The following LOXHD1 variants were observed in gnomAD, a reference collection of about 807,000 sequenced individuals.
LOXHD1 encodes the protein lipoxygenase homology domain-containing protein 1.
Under a neutral mutation model 248.2 loss-of-function variants are expected in LOXHD1, and 205 were observed. That is an observed-to-expected ratio of 0.83 (90% CI 0.74 to 0.93). LOXHD1 has a LOEUF of 0.93. Among genes scored for constraint, LOXHD1 ranks in the 40% least tolerant of loss-of-function variants. LOXHD1 has a pLI of 0.00. For synonymous variants in LOXHD1, 1,113 were observed against 1,162.8 expected (o/e 0.96, Z 0.87); for missense variants, 2,930 against 2,971.6 (o/e 0.99, Z 0.33).
At chr18:46,639,388 C>T (rs958840396) in intron 4 of LOXHD1, among the ~76,000 whole-genome samples, 1 of 152,222 alleles carries the variant, frequency 6.6e-6, no homozygotes, top group South Asian at 2.1e-4. Flanking sequence ...GCCTCCAATC[C>T]CTCTTGTATT....
chr18:46,626,218 A>G (rs904796951), intron 4 of LOXHD1, among the ~76,000 whole-genome samples: 1 of 152,206 alleles, frequency 6.6e-6, no homozygotes, highest in Non-Finnish European at 1.5e-5. Context: ...GGGGTGACAT[A>G]TATTCTCCCA....
At chr18:46,529,957 T>C (rs984491173) in intron 28 of LOXHD1, among the ~76,000 whole-genome samples, 5 of 152,184 alleles carry the variant, frequency 3.3e-5, no homozygotes, top group Admixed American at 2.6e-4. Flanking sequence ...AATATGGGTG[T>C]GACAATTATT....
chr18:46,477,285 C>T lies in LOXHD1; in HGVS notation c.*187G>A. On this transcript the variant is annotated 3_prime_UTR_variant, in exon 41 of 41. Coordinates refer to ENST00000642948, the MANE Select transcript of LOXHD1 (RefSeq NM_001384474.1). ...GGGCAGCCACAGATTATGACACATG[C>T]TAATTATTATCACTGTAGGTTCAAT... 1.2e-6 allele frequency: 1 copy of T among 826,334 alleles called. No homozygotes were observed. The highest frequency in any genetic ancestry group is 2.1e-6 in the Non-Finnish European group (1 of 486,014). 51.2% of individuals were successfully genotyped at this position (826,334 alleles called of 1,614,324 possible).
intron 15 of LOXHD1, among the ~76,000 whole-genome samples, chr18:46,569,972 G>T (rs1599014491): frequency 1.3e-5 from 2 of 152,186 alleles, no homozygotes; most frequent in African/African-American, 4.8e-5. Flanking sequence ...ACAATCATCT[G>T]GTCTAGCTTC....
intron 37 of LOXHD1, among the ~76,000 whole-genome samples, chr18:46,499,262 G>C (rs569501558): frequency 6.6e-6 from 1 of 152,170 alleles, no homozygotes; most frequent in African/African-American, 2.4e-5. Context: ...GATAATCAGG[G>C]AGCTTCATGG....
At chr18:46,645,627 T>C (rs994341039) in intron 2 of LOXHD1, among the ~76,000 whole-genome samples, 1 of 151,950 alleles carries the variant, frequency 6.6e-6, no homozygotes, top group African/African-American at 2.4e-5. Context: ...GGTGCTTAAC[T>C]GGGGTGGGGT....
rs2037492109 is a variant in LOXHD1, at chr18:46,560,289, C to T, written c.2855G>A (p.Gly952Glu). 1.3e-6 allele frequency: 2 copies of T among 1,549,372 alleles called. No homozygotes were observed. The highest frequency in any genetic ancestry group is 8.7e-7 in the Non-Finnish European group (1 of 1,144,586). The change falls in exon 19 of 41, where the codon GGG becomes GAG. Residue 952 changes from glycine to glutamate, a missense_variant. Physicochemically the swap from Gly to Glu is moderately conservative, Grantham distance 98. Transcript: ENST00000642948. Reference sequence around the variant, plus strand: ...TGATGAGGACGACTCCTCTTCCTCCCCCTCGTCCTCTTCGTCGCTGCCCTT... The same window carrying T: ...TGATGAGGACGACTCCTCTTCCTCCTCCTCGTCCTCTTCGTCGCTGCCCTT... ...KRKGSDEEDE[G>E]EEEESSSSEE... is the part of the protein sequence containing the mutation.
At chr18:46,608,347 A>C (rs1417584411) in intron 6 of LOXHD1, among the ~76,000 whole-genome samples, 2 of 152,194 alleles carry the variant, frequency 1.3e-5, no homozygotes, top group Non-Finnish European at 2.9e-5. Flanking sequence ...GACAACAAAG[A>C]AACACATCTT....
chr18:46,647,766 G>C (rs2039051146), intron 2 of LOXHD1, among the ~76,000 whole-genome samples: 1 of 152,210 alleles, frequency 6.6e-6, no homozygotes, highest in Non-Finnish European at 1.5e-5. Context: ...CAGCCCCCAA[G>C]GTACAGGGTG....
Position 46,592,488 on chromosome 18 carries a change from T to C in LOXHD1, c.1518+10A>G. 1 of 1,548,774 alleles carries C rather than the reference T, an allele frequency of 6.5e-7. No homozygotes were observed. Among genetic ancestry groups the C allele is most frequent in the Non-Finnish European group, 8.7e-7 (1 of 1,144,466 alleles). The stretch of plus-strand genomic sequence containing the variant: ...AACAACCTCCCAAACCCCAAGATGG[T>C]GCATCTCACCCTTTCTAAATGCCAT... On this transcript the variant is annotated intron_variant, in intron 11 of 40. Coordinates refer to ENST00000642948, the MANE Select transcript of LOXHD1 (RefSeq NM_001384474.1).
chr18:46,586,372 T>C (rs1370834315), intron 12 of LOXHD1, among the ~76,000 whole-genome samples: 3 of 152,236 alleles, frequency 2.0e-5, no homozygotes, highest in African/African-American at 4.8e-5. Flanking sequence ...AGCCATTGAC[T>C]TGTACACTTT....
At chr18:46,593,532 A>T in intron 10 of LOXHD1, 68 bp downstream of exon 10, 1 of 1,513,458 alleles carries the variant, frequency 6.6e-7, no homozygotes, top group Non-Finnish European at 8.9e-7. Flanking sequence ...GAGAACCAGA[A>T]TCCCCAGGAC....
In LOXHD1 at chr18:46,592,021, G is replaced by C; in HGVS notation, c.1566C>G (p.Cys522Trp). The C allele has an allele frequency of 6.4e-7, 1 of 1,552,278 alleles. No homozygotes were observed. The highest frequency in any genetic ancestry group is 1.2e-5 in the South Asian group (1 of 84,068). ...TLNKDKYNFN[C>W]NRWLDANEDD... ...CCTCATTGGCATCCAGCCAGCGGTTGCAATTGAAGTTGTACTTGTCTTTGT... is the reference window on the plus strand; with the variant it reads ...CCTCATTGGCATCCAGCCAGCGGTTCCAATTGAAGTTGTACTTGTCTTTGT... Residue 522 changes from cysteine (C) to tryptophan (W), a missense_variant, in exon 12 of 41, where the codon TGC becomes TGG. By Grantham distance (215) the Cys-to-Trp change is radical (BLOSUM62 -2). Transcript: ENST00000642948.
intron 2 of LOXHD1, among the ~76,000 whole-genome samples, chr18:46,647,473 G>T (rs1399319772): frequency 2.0e-5 from 3 of 152,216 alleles, no homozygotes; most frequent in South Asian, 4.1e-4. Flanking sequence ...AAAAGGAAAA[G>T]CTGGGAACTT....
chr18:46,577,692 G>A lies in LOXHD1; in HGVS notation c.1970+15C>T, dbSNP rs1391582193. On this transcript the variant is annotated intron_variant, in intron 14 of 40. Coordinates refer to ENST00000642948, the MANE Select transcript of LOXHD1 (RefSeq NM_001384474.1). Reference sequence around the variant, plus strand: ...CCTAAGCTGGAGAAAACACCAGCAGGCAGGACGCATGTACCTGAGACATGG... The same window carrying A: ...CCTAAGCTGGAGAAAACACCAGCAGACAGGACGCATGTACCTGAGACATGG... 6.5e-7 allele frequency: 1 copy of A among 1,547,270 alleles called. No individual in the cohort carries two copies.
intron 1 of LOXHD1, among the ~76,000 whole-genome samples, chr18:46,651,694 C>T (rs1186532701): frequency 1.3e-5 from 2 of 151,440 alleles, no homozygotes; most frequent in East Asian, 1.9e-4. Context: ...TTGAGACCAT[C>T]GAGAGAAAGG....
Position 46,477,799 on chromosome 18 carries a change from C to A in LOXHD1, c.6495G>T (p.Glu2165Asp). The change falls in exon 41 of 41, where the codon GAG (glutamate) becomes GAT (aspartate). Residue 2165 changes from glutamate to aspartate, a missense_variant. Glu to Asp is a conservative substitution (Grantham distance 45). Coordinates refer to ENST00000642948, the MANE Select transcript of LOXHD1 (RefSeq NM_001384474.1). Reference sequence around the variant, plus strand: ...CGTTGGCATCAGTGCCTGCCCCTGGCTCATAGCCTGTTGTCACGATGACTT... The same window carrying A: ...CGTTGGCATCAGTGCCTGCCCCTGGATCATAGCCTGTTGTCACGATGACTT... ...KYEVIVTTGY[E>D]PGAGTDANVF... 1 of 1,551,888 alleles carries A rather than the reference C, an allele frequency of 6.4e-7. No individual in the cohort carries two copies. The highest frequency in any genetic ancestry group is 8.7e-7 in the Non-Finnish European group (1 of 1,147,040).
chr18:46,649,280 AGAG>A lies in LOXHD1; in HGVS notation c.131-14_131-12del. ...TGACCACTTCATACACTGGAGGAGG[AGAG>A]GAGGAGACAGATTGCAGGCTCAGAA... is the stretch of plus-strand genomic sequence containing the variant. On this transcript the variant is annotated splice_polypyrimidine_tract_variant and intron_variant, in intron 1 of 40. Transcript: ENST00000642948. 1 of 1,546,736 alleles carries A rather than the reference AGAG, an allele frequency of 6.5e-7. No homozygotes were observed. Among genetic ancestry groups the A allele is most frequent in the Non-Finnish European group, 8.8e-7 (1 of 1,142,560 alleles).
At chr18:46,638,517 C>A in intron 4 of LOXHD1, among the ~76,000 whole-genome samples, 1 of 152,114 alleles carries the variant, frequency 6.6e-6, no homozygotes, top group Non-Finnish European at 1.5e-5. Context: ...CCTGTAATCC[C>A]AGCTACTCAG....
Sources: allele counts gnomAD v4.1 joint callset (sites outside exome capture counted in the v4.1 genomes callset), GRCh38; gene constraint gnomAD v4.1.1; transcripts MANE v1.5; gene names NCBI Gene and HGNC (gene_info 2026-07-23, HGNC 2026-07-21).